Variants in REDIC1 observed in about 807,000 individuals in gnomAD.
REDIC1 encodes regulator of DNA class I crossover intermediates 1.
At chr12:39,766,839 A>T in the REDIC1 span, among the ~76,000 whole-genome samples, 2 of 152,060 alleles carry the variant, frequency 1.3e-5, no homozygotes, top group Non-Finnish European at 2.9e-5. Flanking sequence ...GATTGCAGCA[A>T]TTCAGTCACA....
At chr12:39,646,840 T>G in the REDIC1 span, 1 of 1,590,696 alleles carries the variant, frequency 6.3e-7, no homozygotes, top group Non-Finnish European at 8.6e-7. Context: ...TTTTCATTAG[T>G]GTAAACTGTC....
the REDIC1 span, among the ~76,000 whole-genome samples, chr12:39,859,316 G>GTTT: frequency 5.6e-4 from 53 of 94,312 alleles, no homozygotes; most frequent in African/African-American, 1.2e-3. Context: ...AAAGCTGGCA[G>GTTT]TTTTTTTTTT....
the REDIC1 span, among the ~76,000 whole-genome samples, chr12:39,654,470 C>T: frequency 3.3e-5 from 5 of 152,018 alleles, no homozygotes; most frequent in East Asian, 9.7e-4. Flanking sequence ...CGCCTGTAGT[C>T]CCAGCTACTC....
the REDIC1 span, chr12:39,682,683 A>G: frequency 1.9e-6 from 3 of 1,612,272 alleles, no homozygotes; most frequent in African/African-American, 4.0e-5. Flanking sequence ...GCACGGATGA[A>G]ATAAGACAGT....
the REDIC1 span, among the ~76,000 whole-genome samples, chr12:39,700,580 G>A: frequency 1.3e-5 from 2 of 152,114 alleles, no homozygotes. Context: ...AGGAAACAGA[G>A]ATAATGCCAC....
the REDIC1 span, among the ~76,000 whole-genome samples, chr12:39,892,896 T>C: frequency 9.9e-5 from 15 of 152,198 alleles, no homozygotes; most frequent in African/African-American, 3.1e-4. Context: ...TGTAGAGCTT[T>C]AACACTGTCA....
the REDIC1 span, among the ~76,000 whole-genome samples, chr12:39,896,659 C>T: frequency 6.6e-6 from 1 of 151,564 alleles, no homozygotes; most frequent in Non-Finnish European, 1.5e-5. Context: ...CAACACTGCT[C>T]AATGAAGTTT....
the REDIC1 span, among the ~76,000 whole-genome samples, chr12:39,868,668 C>T: frequency 6.6e-6 from 1 of 152,146 alleles, no homozygotes; most frequent in East Asian, 1.9e-4. Context: ...CACAATCTTT[C>T]TGGCTTTCTG....
the REDIC1 span, among the ~76,000 whole-genome samples, chr12:39,719,482 C>T: frequency 2.0e-5 from 3 of 151,842 alleles, no homozygotes; most frequent in East Asian, 1.9e-4. Flanking sequence ...GACATGGTGG[C>T]GTGTGCCTAT....
the REDIC1 span, among the ~76,000 whole-genome samples, chr12:39,676,207 C>T: frequency 6.7e-6 from 1 of 149,106 alleles, no homozygotes; most frequent in Non-Finnish European, 1.5e-5. Context: ...AAAAAAAAAC[C>T]AGATATGGAT....
At chr12:39,812,739 T>G in the REDIC1 span, among the ~76,000 whole-genome samples, 1 of 150,824 alleles carries the variant, frequency 6.6e-6, no homozygotes, top group African/African-American at 2.4e-5. Context: ...CCCAAACTGC[T>G]GGGATTACGG....
At chr12:39,827,024 C>T in the REDIC1 span, among the ~76,000 whole-genome samples, 2 of 149,046 alleles carry the variant, frequency 1.3e-5, no homozygotes, top group Admixed American at 6.7e-5. Flanking sequence ...ATGGTAAAAC[C>T]GCAGTTAACT....
At chr12:39,846,940 A>G in the REDIC1 span, among the ~76,000 whole-genome samples, 2 of 152,314 alleles carry the variant, frequency 1.3e-5, no homozygotes, top group South Asian at 2.1e-4. Context: ...GAAATCACTC[A>G]TTTGTTCAGA....
the REDIC1 span, chr12:39,684,432 T>C: frequency 3.8e-6 from 1 of 261,550 alleles, no homozygotes; most frequent in African/African-American, 2.3e-5. Context: ...ATTAAAAATA[T>C]TGATTGATAA....
the REDIC1 span, among the ~76,000 whole-genome samples, chr12:39,851,328 G>A: frequency 6.6e-6 from 1 of 152,124 alleles, no homozygotes; most frequent in Admixed American, 6.6e-5. Context: ...GAAGACTAAT[G>A]AGAATGGATT....
At chr12:39,713,747 A>G in the REDIC1 span, among the ~76,000 whole-genome samples, 1 of 149,544 alleles carries the variant, frequency 6.7e-6, no homozygotes, top group Non-Finnish European at 1.5e-5. Flanking sequence ...ATATGTATAT[A>G]TACATGTATA....
At chr12:39,879,620 CT>C in the REDIC1 span, among the ~76,000 whole-genome samples, 1 of 152,168 alleles carries the variant, frequency 6.6e-6, no homozygotes, top group Non-Finnish European at 1.5e-5. Context: ...TGATTTCTCC[CT>C]TTTGGAATGA....
chr12:39,856,139 A>G, the REDIC1 span, among the ~76,000 whole-genome samples: 2 of 152,140 alleles, frequency 1.3e-5, no homozygotes, highest in Non-Finnish European at 2.9e-5. Context: ...TGCCACATAT[A>G]CCTAAGTTCC....
chr12:39,713,622 A>G, the REDIC1 span, among the ~76,000 whole-genome samples: 1 of 146,524 alleles, frequency 6.8e-6, no homozygotes. Flanking sequence ...GTATATACGC[A>G]TGTATACAGT....
Sources: allele counts gnomAD v4.1 joint callset (sites outside exome capture counted in the v4.1 genomes callset), GRCh38; gene constraint gnomAD v4.1.1; transcripts MANE v1.5; gene names NCBI Gene and HGNC (gene_info 2026-07-23, HGNC 2026-07-21).